Variants in LPP observed in about 807,000 individuals in gnomAD.
LPP encodes the protein lipoma-preferred partner.
LPP carries 38 observed loss-of-function variants against 60.4 expected under a neutral mutation model. The ratio of observed to expected loss-of-function variants is 0.63; its 90% CI spans 0.49 to 0.83. LPP has a LOEUF of 0.83. Ranked by LOEUF, LPP falls within the 40% of genes least tolerant of loss-of-function variation. LPP has a pLI of 0.00. For missense variants in LPP, 902 were observed against 783.6 expected, an observed-to-expected ratio of 1.15 and a Z score of -1.80; for synonymous variants, 328 against 290.8, an observed-to-expected ratio of 1.13 and a Z score of -1.30.
At chr3:188,362,137 G>T (rs542856702) in intron 3 of LPP, among the ~76,000 whole-genome samples, 2 of 152,150 alleles carry the variant, frequency 1.3e-5, no homozygotes, top group Admixed American at 6.5e-5. Context: ...CCTGAAGGAG[G>T]GGGTATTTGA....
At chr3:188,640,374 G>T (rs1488356770) in intron 7 of LPP, among the ~76,000 whole-genome samples, 6 of 117,696 alleles carry the variant, frequency 5.1e-5, no homozygotes, top group African/African-American at 1.6e-4. Flanking sequence ...GTTGTGGGGT[G>T]GGGGGAGGGG....
rs141805538 is a variant in LPP at position 188,609,554 on chromosome 3, T to C, written c.823T>C (p.Tyr275His). 3 of 1,614,170 alleles carry C rather than the reference T, an allele frequency of 1.9e-6. No homozygotes were observed. The highest frequency in any genetic ancestry group is 2.5e-6 in the Non-Finnish European group (3 of 1,180,036). Residue 275 changes from tyrosine (Y) to histidine (H), a missense_variant, in exon 7 of 12, where the codon TAC (tyrosine) becomes CAC (histidine). By Grantham distance (83) the Tyr-to-His change is moderately conservative. Coordinates refer to ENST00000617246, the MANE Select transcript of LPP (RefSeq NM_001375462.1). The surrounding 1 kb of genome is among the most constrained non-coding windows in gnomAD (Gnocchi z 6.9). The part of the protein sequence containing the change: ...PSTRGGMDYA[Y>H]IPPPGLQPEP... ...AACACGGGGAGGCATGGATTATGCC[T>C]ACATTCCACCACCAGGACTTCAGCC... is the stretch of plus-strand genomic sequence containing the variant.
chr3:188,320,465 A>C (rs989736552), intron 2 of LPP, among the ~76,000 whole-genome samples: 5 of 152,244 alleles, frequency 3.3e-5, no homozygotes, highest in African/African-American at 1.2e-4. Context: ...TAAACAACCC[A>C]GGCATTGGGG....
intron 2 of LPP, among the ~76,000 whole-genome samples, chr3:188,242,531 C>T (rs1289798757): frequency 6.6e-6 from 1 of 152,162 alleles, no homozygotes; most frequent in Non-Finnish European, 1.5e-5. Flanking sequence ...AACAAATACA[C>T]ACCAGGTACT....
chr3:188,349,142 C>T (rs1221989462), intron 3 of LPP, among the ~76,000 whole-genome samples: 1 of 152,138 alleles, frequency 6.6e-6, no homozygotes, highest in Admixed American at 6.5e-5. Context: ...AATATTTCCA[C>T]ACTGGCTGCT....
At chr3:188,250,754 CTTTCTTTCTTTCT>C (rs1728941174) in intron 2 of LPP, among the ~76,000 whole-genome samples, 1 of 114,672 alleles carries the variant, frequency 8.7e-6, no homozygotes, top group Non-Finnish European at 1.8e-5. Context: ...TTCTTTCTTT[CTTTCTTTCTTTCT>C]TTCTTTCTTT....
chr3:188,439,596 T>A (rs1793266099), intron 4 of LPP, among the ~76,000 whole-genome samples: 1 of 152,152 alleles, frequency 6.6e-6, no homozygotes, highest in African/African-American at 2.4e-5. Flanking sequence ...TCCAGTGGAG[T>A]CTATACTTCT....
chr3:188,387,342 G>A (rs1240035996), intron 3 of LPP, among the ~76,000 whole-genome samples: 1 of 151,944 alleles, frequency 6.6e-6, no homozygotes, highest in African/African-American at 2.4e-5. Flanking sequence ...ATCATGCTGT[G>A]TATCTCTTGA....
chr3:188,732,633 G>A (rs765969724), intron 8 of LPP, among the ~76,000 whole-genome samples: 2 of 145,998 alleles, frequency 1.4e-5, no homozygotes, highest in African/African-American at 2.5e-5. Context: ...CAGGAGAATC[G>A]CTTGAACCCG....
intron 4 of LPP, among the ~76,000 whole-genome samples, chr3:188,461,886 C>T (rs1489887686): frequency 6.6e-6 from 1 of 152,170 alleles, no homozygotes; most frequent in Non-Finnish European, 1.5e-5. Flanking sequence ...ATCCCCTCCA[C>T]ACCCATTTCT....
At chr3:188,639,785 C>A (rs1849663264) in intron 7 of LPP, among the ~76,000 whole-genome samples, 1 of 152,190 alleles carries the variant, frequency 6.6e-6, no homozygotes, top group South Asian at 2.1e-4. Context: ...CATTACTGGC[C>A]ATCAGAGAAA....
intron 9 of LPP, among the ~76,000 whole-genome samples, chr3:188,849,829 C>T (rs1484585492): frequency 6.6e-6 from 1 of 152,152 alleles, no homozygotes; most frequent in Non-Finnish European, 1.5e-5. Flanking sequence ...GGTACAGATA[C>T]CAGTTTCCTT....
chr3:188,394,187 G>A (rs190728316), intron 3 of LPP, among the ~76,000 whole-genome samples: 1 of 152,300 alleles, frequency 6.6e-6, no homozygotes, highest in Non-Finnish European at 1.5e-5. Context: ...AACACATAAA[G>A]ATGTAAACTG....
chr3:188,159,600 A>G (rs140446271), intron 1 of LPP, among the ~76,000 whole-genome samples: 1 of 152,314 alleles, frequency 6.6e-6, no homozygotes, highest in Non-Finnish European at 1.5e-5. Context: ...CACTCCAGAA[A>G]TACTTGCTTG....
At chr3:188,308,356 C>T (rs1048649789) in intron 2 of LPP, among the ~76,000 whole-genome samples, 3 of 152,120 alleles carry the variant, frequency 2.0e-5, no homozygotes, top group Non-Finnish European at 4.4e-5. Context: ...AGATGCCCCA[C>T]TTAAGCAAGT....
At chr3:188,381,630 A>C (rs971062120) in intron 3 of LPP, among the ~76,000 whole-genome samples, 1 of 152,170 alleles carries the variant, frequency 6.6e-6, no homozygotes. Flanking sequence ...CATTCATTGA[A>C]ATATGAAATA....
chr3:188,609,062 A>G lies in LPP; in HGVS notation c.430-99A>G. 1 of 866,952 alleles carries G rather than the reference A, an allele frequency of 1.2e-6. No individual in the cohort carries two copies. The highest frequency in any genetic ancestry group is 1.8e-6 in the Non-Finnish European group (1 of 563,310). The allele number at this position is 866,952 out of a possible 1,614,324, so 53.7% of individuals were successfully genotyped here. A position where few individuals can be genotyped will look rare whatever the true frequency, so the allele number is the denominator to read the frequency against. On this transcript the variant is annotated intron_variant, in intron 6 of 11. Transcript: ENST00000617246. This position sits in a 1 kb window ranked among gnomAD's most constrained non-coding sequence, Gnocchi z 6.9. ...GTGTTCTACATAGTAATAAATAATA[A>G]TTAGCAGTTATTAATATTTTTCATT... is the stretch of plus-strand genomic sequence containing the variant.
At chr3:188,373,648 T>G (rs911491646) in intron 3 of LPP, among the ~76,000 whole-genome samples, 4 of 152,060 alleles carry the variant, frequency 2.6e-5, no homozygotes, top group African/African-American at 9.7e-5. Context: ...TTTCTCCCAT[T>G]CTGTAGGTTG....
At chr3:188,825,271 G>GTGTGTGTA (rs1755142074) in intron 9 of LPP, among the ~76,000 whole-genome samples, 1 of 22,622 alleles carries the variant, frequency 4.4e-5, no homozygotes, top group Non-Finnish European at 8.9e-5. Flanking sequence ...CTCTCTCTCT[G>GTGTGTGTA]TGTGTGTGTG....
Sources: gnomAD v4.1 joint callset for allele counts (sites outside exome capture counted in the v4.1 genomes callset) on GRCh38, gnomAD v4.1.1 for gene constraint, Gnocchi (gnomAD v3.1) non-coding constraint, MANE v1.5 for transcripts, NCBI Gene and HGNC (gene_info 2026-07-23, HGNC 2026-07-21) for gene names.